Variants in C7 observed in about 807,000 individuals in gnomAD.
C7 encodes the protein complement component C7.
A neutral mutation model predicts 104.8 loss-of-function variants in C7; 83 were observed. The ratio of observed to expected loss-of-function variants is 0.79; its 90% CI spans 0.66 to 0.95. The LOEUF is 0.95. Ranked by LOEUF, C7 falls within the 40% of genes least tolerant of loss-of-function variation. The probability of loss-of-function intolerance (pLI) is 0.00; values close to 1 mark genes in which losing one functional copy is unlikely to be tolerated. For missense variants in C7, 1,070 were observed against 1,011.2 expected (o/e 1.06, Z -0.79); for synonymous variants, 415 against 360.6 (o/e 1.15, Z -1.71).
At chr5:40,935,541 T>G (rs748417618) in intron 4 of C7, among the ~76,000 whole-genome samples, 9 of 152,172 alleles carry the variant, frequency 5.9e-5, no homozygotes, top group Admixed American at 2.0e-4. Context: ...ATTTGATTCT[T>G]GAAGGACAAG....
intron 5 of C7, 104 bp downstream of exon 5, chr5:40,936,589 A>T (rs1739823228): frequency 9.4e-7 from 1 of 1,058,274 alleles, no homozygotes; most frequent in South Asian, 1.5e-5. Flanking sequence ...CTAATAGGCA[A>T]GATTATTCAT....
chr5:40,950,067 C>T (rs989302238), intron 9 of C7, 53 bp downstream of exon 9: 167 of 999,028 alleles, frequency 1.7e-4, no homozygotes, highest in Non-Finnish European at 2.4e-4. Flanking sequence ...TTTTTTTTTA[C>T]TTTTAAGTTC....
chr5:40,962,537 T>C (rs913334609), intron 13 of C7, among the ~76,000 whole-genome samples: 1 of 152,008 alleles, frequency 6.6e-6, no homozygotes, highest in Non-Finnish European at 1.5e-5. Flanking sequence ...ACTTTTTTTT[T>C]TCCCCCTCAT....
At chr5:40,911,697 A>T (rs146075678) in intron 1 of C7, among the ~76,000 whole-genome samples, 1 of 152,256 alleles carries the variant, frequency 6.6e-6, no homozygotes, top group African/African-American at 2.4e-5. Flanking sequence ...CAGCTTAGCT[A>T]CATTGACACA....
At chr5:40,933,200 A>G (rs1192845232) in intron 3 of C7, among the ~76,000 whole-genome samples, 1 of 152,166 alleles carries the variant, frequency 6.6e-6, no homozygotes. Flanking sequence ...ACCTGCTCAG[A>G]GTTCAAATTA....
rs746490039 is a variant in C7, at chr5:40,949,911, T to A, written c.990T>A (p.Asn330Lys). The change falls in exon 9 of 18, where the codon AAT becomes AAA. Residue 330 changes from asparagine (N) to lysine (K), a missense_variant. Asn to Lys is a moderately conservative substitution (Grantham distance 94). Transcript: ENST00000313164. ...DSEKLKQNDFNSVEEKKCKSS... is the reference protein window; with the variant it reads ...DSEKLKQNDFKSVEEKKCKSS... ...TTACATTTTCTCCCCTAGATTTTAA[T>A]TCAGTCGAAGAAAAGAAATGTAAAT... 1 of 1,575,394 alleles carries A rather than the reference T, an allele frequency of 6.3e-7. No homozygotes were observed. The highest frequency in any genetic ancestry group is 8.7e-7 in the Non-Finnish European group (1 of 1,154,636).
In C7 at chr5:40,975,948, TG is replaced by T. The variant is rs1469637334; in HGVS notation, c.2075-801del. On this transcript the variant is annotated intron_variant, in intron 15 of 17. Coordinates refer to ENST00000313164, the MANE Select transcript of C7 (RefSeq NM_000587.4). ...TCATTGTAATAAAGCTATTACGAGG[TG>T]AAAAAAGTCAGGATGTTTTTAGATC... Among the ~76,000 whole-genome samples the T allele has an allele frequency of 2.6e-5, 4 of 151,976 alleles. No individual in the cohort carries two copies. The South Asian group carries it at 8.3e-4, about 32-fold the overall frequency.
At position 40,976,812 on chromosome 5, in the gene C7, T is replaced by A. The variant is rs762301278; in HGVS notation, c.2137T>A (p.Cys713Ser). 8 of 1,607,156 alleles carry A rather than the reference T, an allele frequency of 5.0e-6. No individual in the cohort carries two copies. The highest frequency in any genetic ancestry group is 2.2e-5 in the East Asian group (1 of 44,746). ...CTGGGAGAAACTGCAGAATTCAAGA[T>A]GTGTTTGTAAAATGCCCTACGAATG... is the stretch of plus-strand genomic sequence containing the variant. ...QRWEKLQNSR[C>S]VCKMPYECGP... is the part of the protein sequence containing the mutation. Residue 713 changes from cysteine to serine, a missense_variant, in exon 16 of 18, where the codon TGT becomes AGT. By Grantham distance (112) the Cys-to-Ser change is moderately radical. Coordinates refer to ENST00000313164, the MANE Select transcript of C7 (RefSeq NM_000587.4).
rs780464412 is a variant in C7 at position 40,958,257 on chromosome 5, A to T, written c.1485A>T (p.Gln495His). The T allele has an allele frequency of 6.2e-5, 99 of 1,596,896 alleles. No homozygotes were observed. Among genetic ancestry groups the T allele is most frequent in the Non-Finnish European group, 7.8e-5 (91 of 1,170,220 alleles). Residue 495 changes from glutamine to histidine, a missense_variant, in exon 11 of 18, where the codon CAA becomes CAT. Transcript: ENST00000313164. Reference sequence around the variant, plus strand: ...AGCAAGGAGTCCTCGTAGGGAATCAAGCAGGTCAGTGGGGTGAATTTTCTC... The same window carrying T: ...AGCAAGGAGTCCTCGTAGGGAATCATGCAGGTCAGTGGGGTGAATTTTCTC... ...ACEQGVLVGN[Q>H]AGGVDGGWSC... is the part of the protein sequence containing the mutation.
intron 6 of C7, among the ~76,000 whole-genome samples, chr5:40,942,624 A>G (rs538545603): frequency 5.3e-5 from 8 of 152,286 alleles, no homozygotes; most frequent in South Asian, 2.1e-4. Context: ...GAATTTAAAA[A>G]TAGGTACTGT....
In C7 at chr5:40,959,535, C is replaced by T. The variant is rs777202847; in HGVS notation, c.1576C>T (p.Pro526Ser). 1 of 1,611,376 alleles carries T rather than the reference C, an allele frequency of 6.2e-7. No homozygotes were observed. The highest frequency in any genetic ancestry group is 1.3e-5 in the African/African-American group (1 of 74,834). The change falls in exon 12 of 18, where the codon CCA becomes TCA. Residue 526 changes from proline to serine, a missense_variant. Pro to Ser is a moderately conservative substitution (Grantham distance 74). Transcript: ENST00000313164. ...KKTRSRECNN[P>S]PPSGGGRSCV... is the part of the protein sequence containing the mutation. ...AACAAGAAGCCGTGAATGCAATAAC[C>T]CACCTCCCAGTGGGGGTGGGAGATC... is the stretch of plus-strand genomic sequence containing the variant.
intron 12 of C7, among the ~76,000 whole-genome samples, chr5:40,961,313 T>C (rs767763979): frequency 5.3e-5 from 8 of 152,218 alleles, no homozygotes; most frequent in Non-Finnish European, 1.0e-4. Context: ...GCCTGACACA[T>C]AGTAAATGCT....
chr5:40,937,526 CCTT>C lies in C7; in HGVS notation c.429-23_429-21del, dbSNP rs751493965. 6 of 1,559,238 alleles carry C rather than the reference CCTT, an allele frequency of 3.8e-6. No homozygotes were observed. In the Admixed American group the frequency reaches 1.2e-4, roughly 31 times the overall value. Reference sequence around the variant, plus strand: ...GGTTTTTAACGGCTTTTTATTTCCTCCTTCTCCTCCTCCTCCTTTTAACAGTTA... The same window carrying C: ...GGTTTTTAACGGCTTTTTATTTCCTCCTCCTCCTCCTCCTTTTAACAGTTA... On this transcript the variant is annotated intron_variant, in intron 5 of 17. Transcript: ENST00000313164.
At chr5:40,954,324 A>T (rs528361116) in intron 9 of C7, among the ~76,000 whole-genome samples, 1 of 152,264 alleles carries the variant, frequency 6.6e-6, no homozygotes, top group East Asian at 1.9e-4. Flanking sequence ...ATTTCACTAC[A>T]TATATGTACA....
At chr5:40,965,092 A>G (rs1740515742) in intron 14 of C7, among the ~76,000 whole-genome samples, 1 of 152,152 alleles carries the variant, frequency 6.6e-6, no homozygotes, top group Non-Finnish European at 1.5e-5. Flanking sequence ...TTGCAATTTA[A>G]AACTTTCTGG....
chr5:40,962,771 G>A (rs957578157), intron 13 of C7, among the ~76,000 whole-genome samples: 3 of 152,138 alleles, frequency 2.0e-5, no homozygotes, highest in Non-Finnish European at 4.4e-5. Context: ...CGAGGCTTTG[G>A]CCTGAAGCCC....
intron 5 of C7, 63 bp from the exon 6 acceptor site, chr5:40,937,489 A>G (rs1739840540): frequency 2.0e-6 from 3 of 1,523,632 alleles, no homozygotes; most frequent in East Asian, 2.3e-5. Context: ...TTCCCCACCA[A>G]GTGCTATTTC....
At chr5:40,977,658 C>G (rs1078375) in intron 16 of C7, among the ~76,000 whole-genome samples, 1 of 151,948 alleles carries the variant, frequency 6.6e-6, no homozygotes, top group Admixed American at 6.6e-5. Context: ...CTTCCTGCCT[C>G]GAGTCTCCTG....
intron 1 of C7, among the ~76,000 whole-genome samples, chr5:40,912,071 A>G (rs1739220895): frequency 6.6e-6 from 1 of 152,068 alleles, no homozygotes; most frequent in African/African-American, 2.4e-5. Flanking sequence ...CAACCAAGCA[A>G]TTCTTTTATA....
Sources: gnomAD v4.1 joint callset for allele counts (sites outside exome capture counted in the v4.1 genomes callset) on GRCh38, gnomAD v4.1.1 for gene constraint, MANE v1.5 for transcripts, NCBI Gene and HGNC (gene_info 2026-07-23, HGNC 2026-07-21) for gene names.